The following MGST2 variants were observed in gnomAD, a reference collection of about 807,000 sequenced individuals.
MGST2 encodes glutathione peroxidase MGST2.
Under a neutral mutation model 16.6 loss-of-function variants are expected in MGST2, and 9 were observed. That is an observed-to-expected ratio of 0.54 (90% CI 0.33 to 0.95). The LOEUF is 0.95. MGST2 is among the 40% of genes least tolerant of loss of function. The pLI is 0.03. For synonymous variants in MGST2, 79 were observed against 68.0 expected, an observed-to-expected ratio of 1.16 and a Z score of -0.79; for missense variants, 159 against 175.1, an observed-to-expected ratio of 0.91 and a Z score of 0.52.
intron 5 of MGST2, among the ~76,000 whole-genome samples, chr4:139,721,121 C>A (rs184131885): frequency 1.8e-4 from 27 of 152,336 alleles, no homozygotes; most frequent in African/African-American, 6.3e-4. Context: ...ACAGCAAAGT[C>A]CATTCCTTCA....
chr4:139,741,568 A>G (rs529575309), downstream of MGST2, among the ~76,000 whole-genome samples: 1 of 152,106 alleles, frequency 6.6e-6, no homozygotes, highest in South Asian at 2.1e-4. Context: ...GGGCAACAGC[A>G]AGACCTCATC....
chr4:139,691,132 A>G (rs1330512705), intron 2 of MGST2, among the ~76,000 whole-genome samples: 2 of 152,228 alleles, frequency 1.3e-5, no homozygotes, highest in African/African-American at 4.8e-5. Flanking sequence ...ATGAGTATAC[A>G]CAGCCTGTTT....
intron 3 of MGST2, among the ~76,000 whole-genome samples, chr4:139,697,112 G>A (rs1726968794): frequency 6.6e-6 from 1 of 151,578 alleles, no homozygotes; most frequent in African/African-American, 2.4e-5. Context: ...CTTTTTTTTT[G>A]TACAACCAAA....
chr4:139,674,976 A>G lies in MGST2; in HGVS notation c.59-3567A>G, dbSNP rs542669602. Among the ~76,000 whole-genome samples the G allele has an allele frequency of 1.1e-4, 17 of 152,208 alleles. 1 individual carries two copies. The South Asian group carries it at 3.1e-3, about 28-fold the overall frequency. ...CTCAGGAAGAAATTTAGAACAGGGA[A>G]TGGTGGTCAGAATTCAGTCCTCAGT... On this transcript the variant is annotated intron_variant, in intron 1 of 4. Coordinates refer to ENST00000265498, the MANE Select transcript of MGST2 (RefSeq NM_002413.5).
intron 2 of MGST2, among the ~76,000 whole-genome samples, chr4:139,679,564 G>A (rs149698585): frequency 2.0e-4 from 30 of 152,246 alleles, no homozygotes; most frequent in African/African-American, 7.2e-4. Flanking sequence ...TATGGGATTT[G>A]CATTCTTTAA....
chr4:139,725,969 A>C (rs1434911395), intron 5 of MGST2: 2 of 698,870 alleles, frequency 2.9e-6, no homozygotes, highest in South Asian at 3.5e-5. Context: ...ATATGCATAC[A>C]GGCAAGTGCA....
At chr4:139,719,446 G>A (rs923323931) in intron 5 of MGST2, 13 of 1,613,826 alleles carry the variant, frequency 8.1e-6, no homozygotes, top group African/African-American at 2.7e-5. Context: ...CAGCTCCGTC[G>A]CCACTGTAAT....
intron 5 of MGST2, among the ~76,000 whole-genome samples, chr4:139,732,911 CAA>C (rs1180406576): frequency 6.6e-5 from 10 of 152,108 alleles, no homozygotes; most frequent in Non-Finnish European, 1.3e-4. Context: ...TATAAATACA[CAA>C]AGACAGCTAG....
chr4:139,751,745 A>C, the MGST2 span, among the ~76,000 whole-genome samples: 1 of 152,168 alleles, frequency 6.6e-6, no homozygotes, highest in Non-Finnish European at 1.5e-5. Context: ...AGGGAGGAGG[A>C]AAGAGGACAC....
intron 5 of MGST2, chr4:139,717,118 T>TAA (rs879039332): frequency 6.6e-6 from 1 of 152,486 alleles, no homozygotes; most frequent in Non-Finnish European, 1.5e-5. Context: ...TATGTACAAA[T>TAA]AACTTTTTTT....
chr4:139,672,212 T>C (rs1730732442), intron 1 of MGST2, among the ~76,000 whole-genome samples: 1 of 152,214 alleles, frequency 6.6e-6, no homozygotes, highest in Non-Finnish European at 1.5e-5. Flanking sequence ...ACTCCCAGCC[T>C]CATTTTGAAG....
rs150238628 is a variant in MGST2, at chr4:139,693,276, G to A, written c.159-1921G>A. 8.6e-3 allele frequency among the ~76,000 whole-genome samples: 1,311 copies of A among 152,142 alleles called. 20 individuals carry two copies. Among genetic ancestry groups the A allele is most frequent in the African/African-American group, 0.029 (1,219 of 41,506 alleles). On this transcript the variant is annotated intron_variant, in intron 2 of 4. Transcript: ENST00000265498. Reference sequence around the variant, plus strand: ...AAAAATTAGCCGGGCGCGGTGGCAGGTGCCTGTAGTCCCAGCTACTCGGGA... The same window carrying A: ...AAAAATTAGCCGGGCGCGGTGGCAGATGCCTGTAGTCCCAGCTACTCGGGA...
chr4:139,722,718 C>T (rs895633993), intron 5 of MGST2, among the ~76,000 whole-genome samples: 1 of 152,170 alleles, frequency 6.6e-6, no homozygotes, highest in African/African-American at 2.4e-5. Flanking sequence ...GAAAGACAGT[C>T]ATTAAGACCT....
chr4:139,737,026 C>G (rs950570980), intron 5 of MGST2, among the ~76,000 whole-genome samples: 1 of 152,132 alleles, frequency 6.6e-6, no homozygotes, highest in Non-Finnish European at 1.5e-5. Context: ...GCCAATTCTT[C>G]CAGGACGGAC....
In MGST2 at chr4:139,698,556, G is replaced by T. The variant is rs1468356983; in HGVS notation, c.229+3289G>T. The T allele has an allele frequency of 4.6e-6, 4 of 877,726 alleles. No individual in the cohort carries two copies. In the African/African-American group the frequency reaches 5.1e-5, roughly 11 times the overall value. 54.4% of individuals were successfully genotyped at this position (877,726 alleles called of 1,614,324 possible). A position where few individuals can be genotyped will look rare whatever the true frequency, so the allele number is the denominator to read the frequency against. On this transcript the variant is annotated intron_variant, in intron 3 of 4. Coordinates refer to ENST00000265498, the MANE Select transcript of MGST2 (RefSeq NM_002413.5). Reference sequence around the variant, plus strand: ...GGCAGTCTGCTTTGTACGAGCCATGGTACAGAGACCTCCTTACTTACCCCC... The same window carrying T: ...GGCAGTCTGCTTTGTACGAGCCATGTTACAGAGACCTCCTTACTTACCCCC...
At chr4:139,677,705 G>C (rs1731036854) in intron 1 of MGST2, among the ~76,000 whole-genome samples, 1 of 152,112 alleles carries the variant, frequency 6.6e-6, no homozygotes, top group South Asian at 2.1e-4. Flanking sequence ...GTTTCTCCAT[G>C]TTGGTCAGGC....
At chr4:139,737,314 A>ATT (rs200018580) in intron 5 of MGST2, among the ~76,000 whole-genome samples, 3 of 147,920 alleles carry the variant, frequency 2.0e-5, no homozygotes, top group Admixed American at 6.7e-5. Context: ...CATTTTGTTG[A>ATT]TTTTTTTTTT....
At chr4:139,678,415 C>A (rs1731070851) in intron 1 of MGST2, 128 bp from the exon 2 acceptor site, 5 of 749,418 alleles carry the variant, frequency 6.7e-6, no homozygotes, top group Admixed American at 2.0e-5. Context: ...TAATTGCTAT[C>A]ATCTGTCTTT....
At chr4:139,712,324 G>GCAGAAGGAATAAACAGGGTTAA (rs1560761377) in intron 5 of MGST2, among the ~76,000 whole-genome samples, 2 of 152,106 alleles carry the variant, frequency 1.3e-5, no homozygotes, top group African/African-American at 4.8e-5. Context: ...AACAGGGTTA[G>GCAGAAGGAATAAACAGGGTTAA]CTTAAATTGC....
Sources: allele counts gnomAD v4.1 joint callset (sites outside exome capture counted in the v4.1 genomes callset), GRCh38; gene constraint gnomAD v4.1.1; transcripts MANE v1.5; gene names NCBI Gene and HGNC (gene_info 2026-07-23, HGNC 2026-07-21).